Variants in SLAIN1 observed in about 807,000 individuals in gnomAD.
SLAIN1 encodes SLAIN motif-containing protein 1.
SLAIN1 carries 17 observed loss-of-function variants against 55.4 expected under a neutral mutation model. The observed-to-expected ratio is 0.31, with a 90% confidence interval of 0.21 to 0.46. The LOEUF is 0.46. Ranked by LOEUF, SLAIN1 falls within the 20% of genes least tolerant of loss-of-function variation. The pLI, the probability that SLAIN1 is intolerant of heterozygous loss-of-function variation, is 1.00. For missense variants in SLAIN1, 682 were observed against 785.1 expected (o/e 0.87, Z 1.57); for synonymous variants, 348 against 337.4 (o/e 1.03, Z -0.35).
Position 77,701,791 on chromosome 13 carries a change from A to G in SLAIN1, c.626+3252A>G, listed in dbSNP as rs554512163. ...ATTTATTTTTTATTATTATACTTTA[A>G]GTTTTAGGGTACATGTGCACATTGT... On this transcript the variant is annotated intron_variant, in intron 1 of 6. Coordinates refer to ENST00000418532, the MANE Select transcript of SLAIN1 (RefSeq NM_001242868.2). Among the ~76,000 whole-genome samples, 27 of 150,640 alleles carry G rather than the reference A, an allele frequency of 1.8e-4. No individual in the cohort carries two copies. In the South Asian group the frequency reaches 5.7e-3, roughly 32 times the overall value.
intron 1 of SLAIN1, among the ~76,000 whole-genome samples, chr13:77,716,906 A>T (rs2091213415): frequency 6.6e-6 from 1 of 152,110 alleles, no homozygotes; most frequent in South Asian, 2.1e-4. Flanking sequence ...GCAGAGTGTT[A>T]AATAGAAGCG....
At chr13:77,743,731 A>G (rs1311518330) in intron 2 of SLAIN1, among the ~76,000 whole-genome samples, 1 of 151,766 alleles carries the variant, frequency 6.6e-6, no homozygotes, top group Non-Finnish European at 1.5e-5. Flanking sequence ...TCTCTGGTCT[A>G]TATTATGTGG....
intron 1 of SLAIN1, among the ~76,000 whole-genome samples, chr13:77,703,546 T>C (rs1251563927): frequency 6.6e-6 from 1 of 152,070 alleles, no homozygotes; most frequent in African/African-American, 2.4e-5. Context: ...TTTTAAATGT[T>C]GAAGTGAGGT....
At chr13:77,744,239 T>C in intron 2 of SLAIN1, 44 bp from the exon 3 acceptor site, 2 of 1,328,692 alleles carry the variant, frequency 1.5e-6, no homozygotes, top group Non-Finnish European at 1.1e-6. Context: ...TGTATAGATA[T>C]CAGTCCTGCA....
At chr13:77,745,236 G>GAC (rs147738074) in intron 3 of SLAIN1, among the ~76,000 whole-genome samples, 135 of 151,608 alleles carry the variant, frequency 8.9e-4, no homozygotes, top group African/African-American at 3.2e-3. Context: ...TTCTGACACA[G>GAC]ACACACACAC....
chr13:77,735,584 CAAG>C (rs2154410129), intron 2 of SLAIN1, among the ~76,000 whole-genome samples: 2 of 151,994 alleles, frequency 1.3e-5, no homozygotes, highest in Non-Finnish European at 2.9e-5. Flanking sequence ...TTGAAAAAAA[CAAG>C]AATATTTCAT....
chr13:77,725,147 G>T (rs1265670008), intron 2 of SLAIN1, among the ~76,000 whole-genome samples: 3 of 152,152 alleles, frequency 2.0e-5, no homozygotes, highest in African/African-American at 7.2e-5. Flanking sequence ...CGGGGTCCTT[G>T]CAACATTTTC....
intron 2 of SLAIN1, among the ~76,000 whole-genome samples, chr13:77,737,545 C>T (rs1209780098): frequency 6.6e-6 from 1 of 152,080 alleles, no homozygotes; most frequent in Middle Eastern, 3.2e-3. Flanking sequence ...CCTAACTCTT[C>T]TCTTATACCC....
chr13:77,720,153 C>T (rs373874309), intron 2 of SLAIN1, among the ~76,000 whole-genome samples: 2 of 152,076 alleles, frequency 1.3e-5, no homozygotes, highest in East Asian at 3.9e-4. Flanking sequence ...CATTAATTAA[C>T]TTATGGAGCC....
intron 3 of SLAIN1, among the ~76,000 whole-genome samples, chr13:77,746,092 G>A (rs995326607): frequency 6.6e-6 from 1 of 152,090 alleles, no homozygotes; most frequent in African/African-American, 2.4e-5. Flanking sequence ...AAAAGTTGGG[G>A]GTGGGGAGCA....
intron 2 of SLAIN1, among the ~76,000 whole-genome samples, chr13:77,723,232 C>T (rs944626863): frequency 1.3e-5 from 2 of 152,088 alleles, no homozygotes; most frequent in African/African-American, 2.4e-5. Flanking sequence ...CTTCAGGCAG[C>T]GCCCTATTCT....
chr13:77,756,723 A>G (rs1262517905), intron 5 of SLAIN1, among the ~76,000 whole-genome samples: 1 of 152,190 alleles, frequency 6.6e-6, no homozygotes, highest in Non-Finnish European at 1.5e-5. Flanking sequence ...AATACTGCTT[A>G]GTAATACAGC....
intron 2 of SLAIN1, chr13:77,742,919 C>CT (rs372604248): frequency 0.041 from 23,469 of 567,938 alleles, no homozygotes; most frequent in Non-Finnish European, 0.048. Context: ...GTTGCTTTGT[C>CT]TTTTTTTTTT....
chr13:77,708,696 A>C (rs982325468), intron 1 of SLAIN1, among the ~76,000 whole-genome samples: 1 of 152,184 alleles, frequency 6.6e-6, no homozygotes, highest in African/African-American at 2.4e-5. Context: ...AAAACTAACA[A>C]ACAGAAAGGA....
At chr13:77,732,977 G>T (rs1219173349) in intron 2 of SLAIN1, among the ~76,000 whole-genome samples, 3 of 152,130 alleles carry the variant, frequency 2.0e-5, no homozygotes, top group Admixed American at 1.3e-4. Flanking sequence ...CGTGCAGTGG[G>T]TTAAGATCTG....
At chr13:77,739,281 G>A in intron 2 of SLAIN1, among the ~76,000 whole-genome samples, 1 of 152,030 alleles carries the variant, frequency 6.6e-6, no homozygotes, top group Middle Eastern at 3.4e-3. Flanking sequence ...AAAAAATTGG[G>A]CAAAGTAATT....
chr13:77,730,752 C>G (rs745362220), intron 2 of SLAIN1, among the ~76,000 whole-genome samples: 3 of 152,046 alleles, frequency 2.0e-5, no homozygotes, highest in Admixed American at 6.6e-5. Context: ...TTGCTGTCAT[C>G]GGGTGTGTCC....
intron 2 of SLAIN1, among the ~76,000 whole-genome samples, chr13:77,742,087 TTGTG>T (rs138512742): frequency 6.7e-5 from 10 of 148,972 alleles, no homozygotes; most frequent in South Asian, 6.4e-4. Context: ...GATTTGGGAT[TTGTG>T]TGTGTGTGTG....
intron 1 of SLAIN1, among the ~76,000 whole-genome samples, chr13:77,706,149 A>G (rs1391953617): frequency 2.0e-5 from 3 of 152,110 alleles, no homozygotes; most frequent in African/African-American, 7.2e-5. Context: ...AACAGTCTTT[A>G]TACTTTTATG....
Sources: gnomAD v4.1 joint callset for allele counts (sites outside exome capture counted in the v4.1 genomes callset) on GRCh38, gnomAD v4.1.1 for gene constraint, MANE v1.5 for transcripts, NCBI Gene and HGNC (gene_info 2026-07-23, HGNC 2026-07-21) for gene names.